FGF14: variants seen among roughly 807,000 people sequenced by gnomAD.
FGF14 encodes fibroblast growth factor homologous factor 4.
In FGF14, 5 loss-of-function variants were observed where a neutral mutation model predicts 25.5. The observed-to-expected ratio is 0.20, with a 90% CI of 0.10 to 0.41. FGF14 has a LOEUF of 0.41. Ranked by LOEUF, FGF14 falls within the 10% of genes least tolerant of loss-of-function variation. The probability of loss-of-function intolerance (pLI) is 1.00; values close to 1 mark genes in which losing one functional copy is unlikely to be tolerated. For synonymous variants in FGF14, 138 were observed against 118.3 expected (o/e 1.17, Z -1.08); for missense variants, 222 against 320.1 (o/e 0.69, Z 2.34).
At chr13:102,267,808 A>G (rs1461259891) in intron 1 of FGF14, among the ~76,000 whole-genome samples, 1 of 152,188 alleles carries the variant, frequency 6.6e-6, no homozygotes, top group Admixed American at 6.5e-5. Context: ...AAATACAAAC[A>G]TAGTAATTTC....
At chr13:101,857,048 A>C (rs1424381541) in intron 3 of FGF14, among the ~76,000 whole-genome samples, 1 of 152,024 alleles carries the variant, frequency 6.6e-6, no homozygotes, top group Non-Finnish European at 1.5e-5. Flanking sequence ...TTTCCTCATG[A>C]AGGGCACACA....
At chr13:102,247,468 C>T (rs1030138073) in intron 1 of FGF14, among the ~76,000 whole-genome samples, 5 of 151,952 alleles carry the variant, frequency 3.3e-5, no homozygotes, top group African/African-American at 1.2e-4. Context: ...ATACATGAGG[C>T]CAACAAGCCT....
intron 1 of FGF14, among the ~76,000 whole-genome samples, chr13:102,057,136 G>A (rs1010961225): frequency 1.3e-5 from 2 of 151,866 alleles, no homozygotes; most frequent in African/African-American, 4.8e-5. Flanking sequence ...ATTCAAAGGA[G>A]TAATGATATA....
chr13:101,854,313 TAA>T (rs1262777896), intron 3 of FGF14, among the ~76,000 whole-genome samples: 3 of 152,098 alleles, frequency 2.0e-5, no homozygotes, highest in African/African-American at 7.2e-5. Context: ...CCAAAGTATA[TAA>T]GAGAATAGAA....
intron 1 of FGF14, among the ~76,000 whole-genome samples, chr13:102,257,619 C>G (rs2052514219): frequency 1.3e-5 from 2 of 152,020 alleles, no homozygotes; most frequent in Admixed American, 1.3e-4. Flanking sequence ...AGGTGTGAGC[C>G]ACCACGCCCA....
chr13:102,113,604 A>C (rs2045333052), intron 1 of FGF14, among the ~76,000 whole-genome samples: 1 of 152,204 alleles, frequency 6.6e-6, no homozygotes, highest in African/African-American at 2.4e-5. Flanking sequence ...AAATGCACAC[A>C]TCAAGGACTA....
At chr13:101,841,208 C>T (rs918195677) in intron 3 of FGF14, among the ~76,000 whole-genome samples, 2 of 151,838 alleles carry the variant, frequency 1.3e-5, no homozygotes, top group Non-Finnish European at 2.9e-5. Context: ...TATTTAAATT[C>T]CTTACTTTAT....
chr13:101,728,864 G>A (rs188807151), intron 3 of FGF14, among the ~76,000 whole-genome samples: 45 of 152,228 alleles, frequency 3.0e-4, no homozygotes, highest in African/African-American at 9.6e-4. Context: ...CACCAGAAAC[G>A]TAGGTCCACA....
chr13:102,108,250 A>T (rs570662836), intron 1 of FGF14, among the ~76,000 whole-genome samples: 9 of 152,278 alleles, frequency 5.9e-5, no homozygotes, highest in African/African-American at 2.2e-4. Context: ...TTTTCTTTCC[A>T]TGCCATTAAC....
At chr13:102,377,778 A>C (rs1329731037) in intron 1 of FGF14, among the ~76,000 whole-genome samples, 1 of 152,258 alleles carries the variant, frequency 6.6e-6, no homozygotes, top group Non-Finnish European at 1.5e-5. Context: ...ATTGCATTCC[A>C]GCCTGGGCAA....
chr13:101,754,007 G>T (rs1305480787), intron 3 of FGF14, among the ~76,000 whole-genome samples: 1 of 152,158 alleles, frequency 6.6e-6, no homozygotes, highest in Non-Finnish European at 1.5e-5. Flanking sequence ...TAAGAAAGCG[G>T]CCAAATCTGG....
At chr13:102,325,166 T>C (rs1473974509) in intron 1 of FGF14, among the ~76,000 whole-genome samples, 3 of 151,762 alleles carry the variant, frequency 2.0e-5, no homozygotes, top group Non-Finnish European at 4.4e-5. Flanking sequence ...TCAAATAGCC[T>C]ACAGAAACAA....
intron 3 of FGF14, among the ~76,000 whole-genome samples, chr13:101,830,117 C>T (rs2042594503): frequency 1.3e-5 from 2 of 152,098 alleles, no homozygotes; most frequent in Admixed American, 1.3e-4. Context: ...TCCCTGCCTA[C>T]TGAATAGAGT....
intron 1 of FGF14, chr13:102,003,231 A>G (rs960178708): frequency 6.6e-6 from 1 of 152,230 alleles, no homozygotes; most frequent in Admixed American, 6.5e-5. Flanking sequence ...TGTGCTAACA[A>G]ATATATTGCT....
chr13:101,992,678 A>C (rs2181505), intron 1 of FGF14, among the ~76,000 whole-genome samples: 5,316 of 152,198 alleles, frequency 0.035, 275 homozygotes, highest in African/African-American at 0.12. Context: ...ACTTTTTAAA[A>C]AGAAACTGAC....
At chr13:102,181,649 CAA>C (rs1276769423) in intron 1 of FGF14, among the ~76,000 whole-genome samples, 1 of 152,040 alleles carries the variant, frequency 6.6e-6, no homozygotes, top group Non-Finnish European at 1.5e-5. Flanking sequence ...CATCCCTTTT[CAA>C]AAAAGTCTTT....
At chr13:101,969,255 T>A (rs2037440186) in intron 1 of FGF14, among the ~76,000 whole-genome samples, 1 of 152,132 alleles carries the variant, frequency 6.6e-6, no homozygotes, top group African/African-American at 2.4e-5. Flanking sequence ...TTACTGGGGA[T>A]TGAAGGATAA....
chr13:102,220,700 C>T (rs1301922352), intron 1 of FGF14, among the ~76,000 whole-genome samples: 1 of 152,216 alleles, frequency 6.6e-6, no homozygotes, highest in Non-Finnish European at 1.5e-5. Flanking sequence ...GCTGTACCTT[C>T]TCTTGGCATC....
chr13:102,152,882 A>AG (rs1228897499), intron 1 of FGF14, among the ~76,000 whole-genome samples: 1 of 152,194 alleles, frequency 6.6e-6, no homozygotes, highest in African/African-American at 2.4e-5. Context: ...AAAAGATGTG[A>AG]GGGGGCCGTT....
Sources: gnomAD v4.1 joint callset for allele counts (sites outside exome capture counted in the v4.1 genomes callset) on GRCh38, gnomAD v4.1.1 for gene constraint, MANE v1.5 for transcripts, NCBI Gene and HGNC (gene_info 2026-07-23, HGNC 2026-07-21) for gene names.